Variants in N4BP2L2 observed in about 807,000 individuals in gnomAD.
N4BP2L2 encodes the protein NEDD4 binding protein 2 like 2.
N4BP2L2 carries 50 observed loss-of-function variants against 56.2 expected under a neutral mutation model. That is an observed-to-expected ratio of 0.89 (90% CI 0.71 to 1.13). The LOEUF (loss-of-function observed/expected upper bound fraction) is 1.13. Among genes scored for constraint, N4BP2L2 ranks in the 50% most tolerant of loss-of-function variants. N4BP2L2 has a pLI of 0.00. For missense variants in N4BP2L2, 689 were observed against 693.8 expected (o/e 0.99, Z 0.08); for synonymous variants, 203 against 223.6 (o/e 0.91, Z 0.82).
intron 6 of N4BP2L2, among the ~76,000 whole-genome samples, chr13:32,483,713 T>C (rs971743300): frequency 2.0e-5 from 3 of 152,212 alleles, no homozygotes; most frequent in African/African-American, 7.2e-5. Flanking sequence ...TACAGTTTTT[T>C]GTTTTGTTTT....
intron 6 of N4BP2L2, among the ~76,000 whole-genome samples, chr13:32,459,983 G>T (rs1055124689): frequency 6.6e-6 from 1 of 152,140 alleles, no homozygotes; most frequent in African/African-American, 2.4e-5. Context: ...TTATCTCAGG[G>T]ATGCAAACAC....
At chr13:32,492,916 GTTTT>G (rs35025430) in intron 6 of N4BP2L2, among the ~76,000 whole-genome samples, 16 of 107,500 alleles carry the variant, frequency 1.5e-4, no homozygotes, top group African/African-American at 5.9e-4. Flanking sequence ...TAGCTTTTCT[GTTTT>G]TTTTTTTTTT....
chr13:32,444,756 T>C (rs2076787555), intron 6 of N4BP2L2, among the ~76,000 whole-genome samples: 1 of 152,240 alleles, frequency 6.6e-6, no homozygotes. Flanking sequence ...GAATATGTTC[T>C]GAGAAATGTG....
At chr13:32,495,249 C>T (rs2088272219) in intron 6 of N4BP2L2, among the ~76,000 whole-genome samples, 1 of 152,140 alleles carries the variant, frequency 6.6e-6, no homozygotes, top group Non-Finnish European at 1.5e-5. Flanking sequence ...ATTCTTCTTA[C>T]CATTTGGCAA....
exon 2 of N4BP2L2, chr13:32,536,124 A>T: frequency 6.2e-7 from 1 of 1,614,128 alleles, no homozygotes; most frequent in Non-Finnish European, 8.5e-7. Flanking sequence ...AAAATATTTG[A>T]TGGTGGATTT....
At chr13:32,517,593 C>T (rs1282695854) in exon 6 of N4BP2L2, 12 of 1,341,456 alleles carry the variant, frequency 8.9e-6, no homozygotes, top group East Asian at 6.0e-5. Context: ...AAGAGTATTA[C>T]AACAAGAGAA....
intron 6 of N4BP2L2, chr13:32,480,665 T>G: frequency 1.6e-6 from 2 of 1,271,250 alleles, no homozygotes; most frequent in Non-Finnish European, 2.0e-6. Context: ...ATTTAGATTG[T>G]GCTTCACAAC....
At chr13:32,441,035 A>C (rs2076250181) in intron 7 of N4BP2L2, among the ~76,000 whole-genome samples, 1 of 151,650 alleles carries the variant, frequency 6.6e-6, no homozygotes. Context: ...TTGTATTTTT[A>C]GTAGAGGCAT....
intron 6 of N4BP2L2, among the ~76,000 whole-genome samples, chr13:32,492,197 A>G (rs766489845): frequency 3.2e-4 from 48 of 150,058 alleles, no homozygotes; most frequent in Non-Finnish European, 6.5e-4. Flanking sequence ...ATAATTTCAT[A>G]TGTGCATCAC....
chr13:32,443,315 T>C (rs761855708), exon 7 of N4BP2L2: 2 of 1,613,910 alleles, frequency 1.2e-6, no homozygotes, highest in African/African-American at 2.7e-5. Context: ...CCAGCCAACT[T>C]ACATGCTCTA....
At chr13:32,538,075 G>C (rs866657498) in intron 1 of N4BP2L2, among the ~76,000 whole-genome samples, 4 of 138,964 alleles carry the variant, frequency 2.9e-5, no homozygotes, top group Non-Finnish European at 6.3e-5. Flanking sequence ...CGTCTTGGGG[G>C]GGGGGGGCGG....
At chr13:32,450,865 T>TCCC (rs2077880211) in intron 6 of N4BP2L2, among the ~76,000 whole-genome samples, 2 of 37,500 alleles carry the variant, frequency 5.3e-5, no homozygotes, top group Admixed American at 6.4e-4. Context: ...TCCCACCCCA[T>TCCC]CCCCTTCTCT....
intron 2 of N4BP2L2, among the ~76,000 whole-genome samples, chr13:32,531,979 C>G (rs931669035): frequency 1.3e-5 from 2 of 152,216 alleles, no homozygotes; most frequent in Admixed American, 1.3e-4. Flanking sequence ...GCAGCATCTT[C>G]TCTCTTGACC....
chr13:32,518,952 G>C (rs2049987670), intron 5 of N4BP2L2, among the ~76,000 whole-genome samples: 1 of 152,060 alleles, frequency 6.6e-6, no homozygotes, highest in African/African-American at 2.4e-5. Flanking sequence ...TCTGTAACTT[G>C]ACCTGGACAT....
chr13:32,473,254 C>G (rs1227915572), intron 6 of N4BP2L2, among the ~76,000 whole-genome samples: 1 of 151,074 alleles, frequency 6.6e-6, no homozygotes, highest in Non-Finnish European at 1.5e-5. Context: ...TGCACTCCAG[C>G]CTGGGCAACA....
chr13:32,471,743 GATGAGAGAGCTAGTGTGAGTGAGCTGCTA>G (rs1423086970), intron 6 of N4BP2L2, among the ~76,000 whole-genome samples: 3 of 152,358 alleles, frequency 2.0e-5, no homozygotes, highest in African/African-American at 7.2e-5. Flanking sequence ...GAGAGCTGCT[GATGAGAGAGCTAGTGTGAGTGAGCTGCTA>G]ATGAAAGAGC....
intron 6 of N4BP2L2, chr13:32,480,727 C>A: frequency 1.4e-6 from 1 of 692,686 alleles, no homozygotes; most frequent in South Asian, 1.6e-5. Context: ...AACTGTGCTA[C>A]TACTATTTTC....
At chr13:32,450,616 G>A (rs926539509) in intron 6 of N4BP2L2, among the ~76,000 whole-genome samples, 11 of 128,022 alleles carry the variant, frequency 8.6e-5, no homozygotes, top group South Asian at 3.0e-4. Context: ...GAGCCACTGC[G>A]CCCGGCTTTT....
intron 3 of N4BP2L2, 66 bp from the exon 4 acceptor site, chr13:32,522,336 T>C: frequency 9.3e-7 from 1 of 1,077,920 alleles, no homozygotes; most frequent in South Asian, 1.6e-5. Flanking sequence ...AAGTTAAACA[T>C]TTATTATTAA....
Sources: gnomAD v4.1 joint callset for allele counts (sites outside exome capture counted in the v4.1 genomes callset) on GRCh38, gnomAD v4.1.1 for gene constraint, MANE v1.5 for transcripts, NCBI Gene and HGNC (gene_info 2026-07-23, HGNC 2026-07-21) for gene names.